Variants in AGMO observed in about 807,000 individuals in gnomAD.
AGMO encodes glyceryl-ether monooxygenase.
A neutral mutation model predicts 60.2 loss-of-function variants in AGMO; 75 were observed. The ratio of observed to expected loss-of-function variants is 1.25; its 90% CI spans 1.03 to 1.51. AGMO has a LOEUF of 1.51. AGMO is among the 40% of genes most tolerant of loss of function. The pLI is 0.00. For missense variants in AGMO, 763 were observed against 525.5 expected (o/e 1.45, Z -4.42); for synonymous variants, 261 against 177.1 (o/e 1.47, Z -3.76).
intron 12 of AGMO, among the ~76,000 whole-genome samples, chr7:15,290,371 TG>T (rs1784228098): frequency 6.6e-6 from 1 of 152,136 alleles, no homozygotes; most frequent in Non-Finnish European, 1.5e-5. Context: ...TAGTAGATGT[TG>T]AGGGTGTGGG....
chr7:15,362,563 T>C (rs180856177), intron 12 of AGMO, among the ~76,000 whole-genome samples: 4 of 152,296 alleles, frequency 2.6e-5, no homozygotes, highest in Admixed American at 2.6e-4. Flanking sequence ...TTAAATACTG[T>C]TTTAACATTT....
chr7:15,511,702 T>C lies in AGMO; in HGVS notation c.409+33070A>G, dbSNP rs77359514. On this transcript the variant is annotated intron_variant, in intron 3 of 12. Transcript: ENST00000342526. ...GCTGATTAACTTGATGTGCTAATCA[T>C]TTCACAAAGTATACATGTTTCATTG... Among the ~76,000 whole-genome samples, 43 of 152,338 alleles carry C rather than the reference T, an allele frequency of 2.8e-4. No individual in the cohort carries two copies. The East Asian group carries it at 6.8e-3, about 24-fold the overall frequency.
intron 12 of AGMO, among the ~76,000 whole-genome samples, chr7:15,293,400 T>G (rs58100114): frequency 0.085 from 12,967 of 152,184 alleles, 704 homozygotes; most frequent in South Asian, 0.21. Flanking sequence ...CCGGGCGGGT[T>G]AGGTAAGGTG....
intron 3 of AGMO, 55 bp from the exon 4 acceptor site, chr7:15,431,163 A>AT: frequency 2.4e-6 from 3 of 1,228,024 alleles, no homozygotes; most frequent in Middle Eastern, 1.9e-4. Flanking sequence ...AGCAACTTCC[A>AT]TTTTCAGTTA....
At chr7:15,481,777 G>A (rs1049776797) in intron 3 of AGMO, among the ~76,000 whole-genome samples, 1 of 146,268 alleles carries the variant, frequency 6.8e-6, no homozygotes, top group Non-Finnish European at 1.5e-5. Context: ...TGCATTTTCT[G>A]GGACTAAATG....
chr7:15,340,333 G>C (rs1781802612), intron 12 of AGMO, among the ~76,000 whole-genome samples: 1 of 152,182 alleles, frequency 6.6e-6, no homozygotes, highest in South Asian at 2.1e-4. Context: ...AGATTTTGGA[G>C]TATGTCAGAT....
At chr7:15,360,922 AG>A (rs796756042) in intron 12 of AGMO, among the ~76,000 whole-genome samples, 5 of 139,100 alleles carry the variant, frequency 3.6e-5, no homozygotes, top group African/African-American at 1.1e-4. Flanking sequence ...GAAAATAAGA[AG>A]AAAAAACCAG....
the AGMO span, among the ~76,000 whole-genome samples, chr7:15,122,911 T>C: frequency 6.6e-6 from 1 of 152,192 alleles, no homozygotes; most frequent in Admixed American, 6.6e-5. Context: ...ACTACTCTCC[T>C]CAAAACATTC....
intron 12 of AGMO, among the ~76,000 whole-genome samples, chr7:15,363,678 A>G (rs1782851743): frequency 6.6e-6 from 1 of 152,160 alleles, no homozygotes; most frequent in Non-Finnish European, 1.5e-5. Context: ...TGGACATACT[A>G]CATTGCCCTC....
chr7:15,322,121 C>A (rs1325573339), intron 12 of AGMO, among the ~76,000 whole-genome samples: 1 of 151,450 alleles, frequency 6.6e-6, no homozygotes, highest in Admixed American at 6.6e-5. Flanking sequence ...GCCTGGGCAA[C>A]ATAATGAGAT....
At chr7:15,226,898 G>C (rs541274406) in intron 12 of AGMO, among the ~76,000 whole-genome samples, 12 of 151,986 alleles carry the variant, frequency 7.9e-5, no homozygotes, top group African/African-American at 2.4e-4. Flanking sequence ...GAAAATGCAA[G>C]AAATGTATCT....
the AGMO span, among the ~76,000 whole-genome samples, chr7:15,189,787 G>C: frequency 6.6e-6 from 1 of 151,216 alleles, no homozygotes; most frequent in East Asian, 2.0e-4. Context: ...GCTATTTCTT[G>C]TTGAATTTTT....
chr7:15,363,379 G>GTGT (rs1303063812), intron 12 of AGMO, among the ~76,000 whole-genome samples: 2 of 152,138 alleles, frequency 1.3e-5, no homozygotes, highest in African/African-American at 4.8e-5. Flanking sequence ...CACTTACTAT[G>GTGT]TGTTAATCAC....
intron 3 of AGMO, among the ~76,000 whole-genome samples, chr7:15,518,456 A>C (rs1254210988): frequency 1.3e-5 from 2 of 152,194 alleles, no homozygotes; most frequent in South Asian, 2.1e-4. Flanking sequence ...CCTCTGGGAC[A>C]GAGCTTCCAG....
At chr7:15,498,703 G>A (rs1010189747) in intron 3 of AGMO, among the ~76,000 whole-genome samples, 2 of 151,796 alleles carry the variant, frequency 1.3e-5, no homozygotes, top group Admixed American at 6.6e-5. Context: ...TAGAAAATGC[G>A]TTTTGATTTA....
At chr7:15,312,760 T>G (rs1358162392) in intron 12 of AGMO, among the ~76,000 whole-genome samples, 1 of 151,434 alleles carries the variant, frequency 6.6e-6, no homozygotes, top group Non-Finnish European at 1.5e-5. Flanking sequence ...GTCTGCTCAC[T>G]GCAACCTCTG....
chr7:15,477,401 T>C (rs1446711619), intron 3 of AGMO, among the ~76,000 whole-genome samples: 14 of 152,134 alleles, frequency 9.2e-5, no homozygotes, highest in Non-Finnish European at 2.9e-5. Context: ...TGTCTTGGTA[T>C]ATGATCGTAT....
At chr7:15,354,680 C>T (rs1166874107) in intron 12 of AGMO, among the ~76,000 whole-genome samples, 1 of 148,794 alleles carries the variant, frequency 6.7e-6, no homozygotes, top group Non-Finnish European at 1.5e-5. Flanking sequence ...TTTTAAGTGG[C>T]GGGATACTCA....
At position 15,387,599 on chromosome 7, in the gene AGMO, CAA is replaced by C. The variant is rs894958046; in HGVS notation, c.823-61_823-60del. On this transcript the variant is annotated intron_variant, in intron 8 of 12. Coordinates refer to ENST00000342526, the MANE Select transcript of AGMO (RefSeq NM_001004320.2). ...AAGATAAATAGGAAAGATTAAATACCAAAAGTTATGTATATTATTTTATTGTT... is the reference window on the plus strand; with the variant it reads ...AAGATAAATAGGAAAGATTAAATACCAAGTTATGTATATTATTTTATTGTT... 4.2e-6 allele frequency: 6 copies of C among 1,435,600 alleles called. No homozygotes were observed. The African/African-American group carries it at 5.9e-5, about 14-fold the overall frequency. 88.9% of individuals were successfully genotyped at this position (1,435,600 alleles called of 1,614,324 possible).
Sources: gnomAD v4.1 joint callset for allele counts (sites outside exome capture counted in the v4.1 genomes callset) on GRCh38, gnomAD v4.1.1 for gene constraint, MANE v1.5 for transcripts, NCBI Gene and HGNC (gene_info 2026-07-23, HGNC 2026-07-21) for gene names.